Variants in ZNF423 observed in about 807,000 individuals in gnomAD.
The protein encoded by ZNF423 is zinc finger protein 423.
Under a neutral mutation model 95.8 loss-of-function variants are expected in ZNF423, and 12 were observed. The observed-to-expected ratio is 0.13, with a 90% confidence interval of 0.08 to 0.20. The LOEUF (loss-of-function observed/expected upper bound fraction) is 0.20, where lower values mean the gene tolerates loss of function less well. ZNF423 is among the 10% of genes least tolerant of loss of function. ZNF423 has a pLI of 1.00. For synonymous variants in ZNF423, 749 were observed against 711.9 expected, an observed-to-expected ratio of 1.05 and a Z score of -0.83; for missense variants, 1,316 against 1,737.1, an observed-to-expected ratio of 0.76 and a Z score of 4.31.
At chr16:49,615,935 G>A (rs74518235) in intron 5 of ZNF423, among the ~76,000 whole-genome samples, 1 of 152,272 alleles carries the variant, frequency 6.6e-6, no homozygotes, top group African/African-American at 2.4e-5. Context: ...GTTCCAGGGA[G>A]GCCGCTGCAT....
intron 5 of ZNF423, among the ~76,000 whole-genome samples, chr16:49,621,425 G>A (rs1284032052): frequency 6.6e-6 from 1 of 152,184 alleles, no homozygotes; most frequent in Non-Finnish European, 1.5e-5. Context: ...TGTTTCCAAG[G>A]AGACATGTCC....
chr16:49,722,209 G>A (rs2032886529), intron 3 of ZNF423, among the ~76,000 whole-genome samples: 1 of 152,174 alleles, frequency 6.6e-6, no homozygotes, highest in South Asian at 2.1e-4. Flanking sequence ...AGGCAATTTA[G>A]GGAAGGCTTC....
intron 5 of ZNF423, among the ~76,000 whole-genome samples, chr16:49,621,663 C>T (rs1453198754): frequency 2.0e-5 from 3 of 152,140 alleles, no homozygotes; most frequent in Non-Finnish European, 2.9e-5. Context: ...GGACTTTTAC[C>T]CCCGTCAGCG....
At position 49,642,811 on chromosome 16, in the gene ZNF423, T is replaced by C. The variant is rs1463134351; in HGVS notation, c.302-3937A>G. Among the ~76,000 whole-genome samples the C allele has an allele frequency of 2.0e-4, 29 of 148,198 alleles. No individual in the cohort carries two copies. The South Asian group carries it at 5.0e-3, about 26-fold the overall frequency. Reference sequence around the variant, plus strand: ...AAGCGGTTCTCTTTTCTTTTTTTTTTTTTTTTTTTTTTTGGCAGGGGCAGG... The same window carrying C: ...AAGCGGTTCTCTTTTCTTTTTTTTTCTTTTTTTTTTTTTGGCAGGGGCAGG... On this transcript the variant is annotated intron_variant, in intron 3 of 7. Coordinates refer to ENST00000563137, the MANE Select transcript of ZNF423 (RefSeq NM_001379286.1).
chr16:49,745,899 T>C (rs1350774988), intron 2 of ZNF423, among the ~76,000 whole-genome samples: 1 of 152,186 alleles, frequency 6.6e-6, no homozygotes, highest in African/African-American at 2.4e-5. Flanking sequence ...CTGAGGGGAC[T>C]GGGACCCAGT....
At chr16:49,521,583 AG>A (rs1425436420) in intron 7 of ZNF423, among the ~76,000 whole-genome samples, 2 of 152,214 alleles carry the variant, frequency 1.3e-5, no homozygotes, top group Non-Finnish European at 2.9e-5. Flanking sequence ...TGGCATGGTA[AG>A]GGTCACTAGC....
intron 3 of ZNF423, among the ~76,000 whole-genome samples, chr16:49,698,073 GCGGCA>G (rs1293960518): frequency 6.6e-6 from 1 of 152,210 alleles, no homozygotes. Context: ...GATGGAGAGT[GCGGCA>G]CTCTTACAAA....
At chr16:49,761,815 C>T (rs2033837386) in intron 2 of ZNF423, among the ~76,000 whole-genome samples, 1 of 152,116 alleles carries the variant, frequency 6.6e-6, no homozygotes, top group African/African-American at 2.4e-5. Flanking sequence ...AATACATGAA[C>T]GAATCCTTTA....
intron 2 of ZNF423, among the ~76,000 whole-genome samples, chr16:49,776,549 G>A (rs752338203): frequency 6.6e-6 from 1 of 152,238 alleles, no homozygotes; most frequent in Non-Finnish European, 1.5e-5. Context: ...ACCTGCAGCT[G>A]TCCAGCCTCC....
intron 7 of ZNF423, among the ~76,000 whole-genome samples, chr16:49,501,325 C>A (rs910995815): frequency 6.6e-6 from 1 of 152,054 alleles, no homozygotes; most frequent in Admixed American, 6.5e-5. Context: ...CTGCCACATG[C>A]GAATATAGGC....
intron 5 of ZNF423, among the ~76,000 whole-genome samples, chr16:49,547,740 G>T (rs1484604758): frequency 6.6e-6 from 1 of 152,216 alleles, no homozygotes; most frequent in Non-Finnish European, 1.5e-5. Flanking sequence ...TTGTCCTGGG[G>T]CTTCTCGCAA....
chr16:49,735,453 C>A (rs1017997079), intron 2 of ZNF423, among the ~76,000 whole-genome samples: 4 of 152,188 alleles, frequency 2.6e-5, no homozygotes, highest in African/African-American at 7.2e-5. Flanking sequence ...CCACAGACTG[C>A]CACAGCAATA....
chr16:49,717,884 C>T (rs568728598), intron 3 of ZNF423, among the ~76,000 whole-genome samples: 20 of 152,266 alleles, frequency 1.3e-4, no homozygotes, highest in African/African-American at 4.3e-4. Context: ...GGCAGTGAAC[C>T]GGCTCCTGTT....
chr16:49,806,967 C>A (rs566690212), intron 1 of ZNF423, among the ~76,000 whole-genome samples: 2 of 150,302 alleles, frequency 1.3e-5, no homozygotes, highest in South Asian at 2.1e-4. Context: ...GTAGAGGTTG[C>A]AGCGAGCCGA....
At chr16:49,505,208 C>T (rs191667166) in intron 7 of ZNF423, among the ~76,000 whole-genome samples, 5 of 152,322 alleles carry the variant, frequency 3.3e-5, no homozygotes, top group East Asian at 3.9e-4. Context: ...CAGCCAAGAG[C>T]TGGGATGGAG....
chr16:49,628,285 TAC>T (rs1342096927), intron 4 of ZNF423, among the ~76,000 whole-genome samples: 1 of 149,492 alleles, frequency 6.7e-6, no homozygotes, highest in African/African-American at 2.5e-5. Context: ...TCCACACATC[TAC>T]ACACACACAT....
chr16:49,796,718 A>G (rs1052211557), intron 1 of ZNF423, among the ~76,000 whole-genome samples: 2 of 152,074 alleles, frequency 1.3e-5, no homozygotes, highest in Non-Finnish European at 2.9e-5. Flanking sequence ...AAGAACCCAG[A>G]ATGCTCCTTT....
At chr16:49,612,617 T>C (rs987258586) in intron 5 of ZNF423, among the ~76,000 whole-genome samples, 9 of 152,014 alleles carry the variant, frequency 5.9e-5, no homozygotes, top group Admixed American at 4.6e-4. Flanking sequence ...AGATCAGAAA[T>C]AAGGCAAACA....
chr16:49,664,405 G>A (rs1162829244), intron 3 of ZNF423: 1 of 581,454 alleles, frequency 1.7e-6, no homozygotes, highest in Admixed American at 6.3e-5. Flanking sequence ...GGACAGAGGA[G>A]GCCCAGGGCT....
Sources: allele counts gnomAD v4.1 joint callset (sites outside exome capture counted in the v4.1 genomes callset), GRCh38; gene constraint gnomAD v4.1.1; transcripts MANE v1.5; gene names NCBI Gene and HGNC (gene_info 2026-07-23, HGNC 2026-07-21).